Variants in FLVCR1 observed in about 807,000 individuals in gnomAD.
FLVCR1 encodes the protein choline/ethanolamine transporter FLVCR1.
In FLVCR1, 34 loss-of-function variants were observed where a neutral mutation model predicts 53.6. The ratio of observed to expected loss-of-function variants is 0.63; its 90% CI spans 0.48 to 0.84. The LOEUF is 0.84. Among genes scored for constraint, FLVCR1 ranks in the 40% least tolerant of loss-of-function variants. The pLI, the probability that FLVCR1 is intolerant of heterozygous loss-of-function variation, is 0.00. For missense variants in FLVCR1, 677 were observed against 696.7 expected (o/e 0.97, Z 0.32); for synonymous variants, 300 against 286.3 (o/e 1.05, Z -0.48).
Position 212,861,795 on chromosome 1 carries a change from G to T in FLVCR1, c.739-1930G>T, listed in dbSNP as rs56226004. ...TGCCATTCTCCTGCCTCAGCCTCCC[G>T]TGTAGCTGGGACTACAGGCACCCGC... On this transcript the variant is annotated intron_variant, in intron 1 of 9. Coordinates refer to ENST00000366971, the MANE Select transcript of FLVCR1 (RefSeq NM_014053.4). Among the ~76,000 whole-genome samples the T allele has an allele frequency of 7.2e-5, 11 of 151,834 alleles. No homozygotes were observed. In the East Asian group the frequency reaches 2.1e-3, roughly 29 times the overall value.
rs1665328502 is a variant in FLVCR1 at position 212,896,128 on chromosome 1, CTCTCTTT to C, written c.*840_*846del. The stretch of plus-strand genomic sequence containing the variant: ...CCCATTGCCTTTTTTTTCTTTTAAA[CTCTCTTT>C]TTTTTTTTTTCCTGATGTGTAACTT... On this transcript the variant is annotated 3_prime_UTR_variant, in exon 10 of 10. Transcript: ENST00000366971. 7.0e-6 allele frequency: 1 copy of C among 143,332 alleles called. No homozygotes were observed. The highest frequency in any genetic ancestry group is 2.8e-5 in the African/African-American group (1 of 35,782). 8.9% of individuals were successfully genotyped at this position (143,332 alleles called of 1,614,324 possible).
At chr1:212,882,954 CA>C (rs1664964297) in intron 3 of FLVCR1, among the ~76,000 whole-genome samples, 1 of 152,140 alleles carries the variant, frequency 6.6e-6, no homozygotes, top group African/African-American at 2.4e-5. Context: ...GTCTTTGATA[CA>C]AAAAGGTAAG....
chr1:212,867,419 C>T (rs1050636483), intron 2 of FLVCR1, among the ~76,000 whole-genome samples: 5 of 152,100 alleles, frequency 3.3e-5, no homozygotes, highest in African/African-American at 9.7e-5. Flanking sequence ...ACCAATATTC[C>T]CATTTTATAG....
At chr1:212,894,902 A>G (rs570818956) in intron 8 of FLVCR1, 84 bp from the exon 9 acceptor site, 10 of 886,826 alleles carry the variant, frequency 1.1e-5, no homozygotes, top group Admixed American at 1.0e-4. Context: ...ATTAAATTTG[A>G]CAATACCAAG....
At chr1:212,889,465 G>A (rs1451126665) in intron 8 of FLVCR1, among the ~76,000 whole-genome samples, 2 of 152,176 alleles carry the variant, frequency 1.3e-5, no homozygotes, top group Non-Finnish European at 2.9e-5. Flanking sequence ...AAGCAAAACT[G>A]TTATAATAAG....
chr1:212,871,732 T>C (rs1221322246), intron 2 of FLVCR1, among the ~76,000 whole-genome samples: 2 of 152,220 alleles, frequency 1.3e-5, no homozygotes, highest in Non-Finnish European at 2.9e-5. Flanking sequence ...GAAATCTCTC[T>C]CTAGTCATCT....
chr1:212,876,734 A>G lies in FLVCR1; in HGVS notation c.1024+3916A>G, dbSNP rs140289648. ...ATACCACATTTTCTTTATCCAGTCT[A>G]TTATTGATGGGCATTTGGGTTGATT... On this transcript the variant is annotated intron_variant, in intron 3 of 9. Transcript: ENST00000366971. Among the ~76,000 whole-genome samples the G allele has an allele frequency of 5.4e-3, 820 of 152,288 alleles. 7 individuals carry two copies. Among genetic ancestry groups the G allele is most frequent in the African/African-American group, 0.019 (781 of 41,556 alleles).
At chr1:212,872,993 T>G (rs2102551813) in intron 3 of FLVCR1, among the ~76,000 whole-genome samples, 175 bp downstream of exon 3, 1 of 152,270 alleles carries the variant, frequency 6.6e-6, no homozygotes, top group South Asian at 2.1e-4. Context: ...TTACATATTT[T>G]TAAAAATAAT....
chr1:212,865,483 G>A (rs899492005), intron 2 of FLVCR1, among the ~76,000 whole-genome samples: 7 of 51,886 alleles, frequency 1.3e-4, no homozygotes, highest in Non-Finnish European at 1.9e-4. Context: ...TTTGCAATAG[G>A]GATTTTTTTT....
rs1053324425 is a variant in FLVCR1, at chr1:212,858,542, C to T, written c.90C>T (p.Pro30=). Residue 30 remains proline (P), a synonymous_variant, in exon 1 of 10, where the codon CCC becomes CCT. Transcript: ENST00000366971. ...ACCTCCCGTTGCCGAGGGGCGCGCC[C>T]GTTGGGAAGGAGAGCGTGGAGCTGC... ...KGYLPLPRGA[P]VGKESVELQN... is the part of the protein sequence containing the mutation. The T allele has an allele frequency of 6.8e-7, 1 of 1,464,978 alleles. No homozygotes were observed. Among genetic ancestry groups the T allele is most frequent in the Non-Finnish European group, 9.0e-7 (1 of 1,110,158 alleles). 90.7% of individuals were successfully genotyped at this position (1,464,978 alleles called of 1,614,324 possible).
intron 1 of FLVCR1, 96 bp downstream of exon 1, chr1:212,859,286 A>G (rs1664146375): frequency 2.6e-6 from 4 of 1,565,648 alleles, no homozygotes; most frequent in Admixed American, 1.7e-5. Flanking sequence ...GAACTGCCCC[A>G]GGAGGTATTT....
At chr1:212,859,665 C>A (rs1469416689) in intron 1 of FLVCR1, among the ~76,000 whole-genome samples, 1 of 151,980 alleles carries the variant, frequency 6.6e-6, no homozygotes, top group Admixed American at 6.6e-5. Flanking sequence ...TTGCAGTGAG[C>A]GGAGATTGCA....
At chr1:212,882,113 T>C (rs968054875) in intron 3 of FLVCR1, among the ~76,000 whole-genome samples, 3 of 152,216 alleles carry the variant, frequency 2.0e-5, no homozygotes, top group African/African-American at 7.2e-5. Context: ...ATTGCTTATA[T>C]CTAGAAAGTA....
rs747064078 is a variant in FLVCR1, at chr1:212,859,006, G to C, written c.554G>C (p.Cys185Ser). 1.9e-5 allele frequency: 30 copies of C among 1,612,542 alleles called. No homozygotes were observed. The African/African-American group carries it at 2.7e-4, about 14-fold the overall frequency. The change falls in exon 1 of 10, where the codon TGC becomes TCC. Residue 185 changes from cysteine (C) to serine (S), a missense_variant. Physicochemically the swap from Cys to Ser is moderately radical, Grantham distance 112 (BLOSUM62 -1). Transcript: ENST00000366971. The stretch of plus-strand genomic sequence containing the variant: ...GCCCTGCTGGGCTCCGGCCTCAACT[G>C]CCTGGGTGCCTGGATCAAGTGCGGC... Reference protein sequence around the residue: ...LTALLGSGLNCLGAWIKCGSV... With the variant: ...LTALLGSGLNSLGAWIKCGSV...
intron 1 of FLVCR1, 108 bp from the exon 2 acceptor site, chr1:212,863,617 C>A: frequency 2.6e-5 from 24 of 924,492 alleles, no homozygotes; most frequent in Non-Finnish European, 3.9e-5. Flanking sequence ...GTTTAATTTT[C>A]AAAGCACCTT....
rs1558112875 is a variant in FLVCR1, at chr1:212,872,711, A to G, written c.917A>G (p.Gln306Arg). The G allele has an allele frequency of 6.2e-7, 1 of 1,613,940 alleles. No individual in the cohort carries two copies. Among genetic ancestry groups the G allele is most frequent in the Non-Finnish European group, 8.5e-7 (1 of 1,179,838 alleles). ...FKEKPRYPPSQAQAALQDSPP... is the reference protein window; with the variant it reads ...FKEKPRYPPSRAQAALQDSPP... Reference sequence around the variant, plus strand: ...GAAAAACCTCGGTATCCACCAAGTCAGGCTCAAGCAGCTCTTCAAGACAGT... The same window carrying G: ...GAAAAACCTCGGTATCCACCAAGTCGGGCTCAAGCAGCTCTTCAAGACAGT... The change falls in exon 3 of 10, where the codon CAG (glutamine) becomes CGG (arginine). Residue 306 changes from glutamine (Q) to arginine (R), a missense_variant. Gln to Arg is a conservative substitution (Grantham distance 43). Coordinates refer to ENST00000366971, the MANE Select transcript of FLVCR1 (RefSeq NM_014053.4).
At chr1:212,869,656 G>A (rs746851727) in intron 2 of FLVCR1, among the ~76,000 whole-genome samples, 5 of 152,178 alleles carry the variant, frequency 3.3e-5, no homozygotes, top group Non-Finnish European at 7.3e-5. Context: ...TGATTCTCCT[G>A]CCTCAGCCTC....
At chr1:212,877,633 A>G (rs12069595) in intron 3 of FLVCR1, among the ~76,000 whole-genome samples, 69,290 of 150,218 alleles carry the variant, frequency 0.46, 17,211 homozygotes, top group East Asian at 0.56. Flanking sequence ...TCAGGTGGAT[A>G]AATTGCAAAC....
At chr1:212,864,333 C>T in intron 2 of FLVCR1, 1 of 219,500 alleles carries the variant, frequency 4.6e-6, no homozygotes, top group Non-Finnish European at 9.3e-6. Flanking sequence ...AGTGAATGGT[C>T]CTGGGCAGCA....
Sources: allele counts gnomAD v4.1 joint callset (sites outside exome capture counted in the v4.1 genomes callset), GRCh38; gene constraint gnomAD v4.1.1; transcripts MANE v1.5; gene names NCBI Gene and HGNC (gene_info 2026-07-23, HGNC 2026-07-21).